NTNG1: variants seen among roughly 807,000 people sequenced by gnomAD.
NTNG1 encodes the protein netrin G1.
Under a neutral mutation model 54.0 loss-of-function variants are expected in NTNG1, and 16 were observed. That is an observed-to-expected ratio of 0.30 (90% confidence interval 0.20 to 0.45). The LOEUF is 0.45. Ranked by LOEUF, NTNG1 falls within the 20% of genes least tolerant of loss-of-function variation. NTNG1 has a pLI of 1.00. For synonymous variants in NTNG1, 255 were observed against 263.1 expected, an observed-to-expected ratio of 0.97 and a Z score of 0.30; for missense variants, 530 against 678.7, an observed-to-expected ratio of 0.78 and a Z score of 2.43.
intron 2 of NTNG1, among the ~76,000 whole-genome samples, chr1:107,203,917 C>T (rs945601139): frequency 6.6e-6 from 1 of 151,808 alleles, no homozygotes; most frequent in Admixed American, 6.6e-5. Context: ...ATCATTGACT[C>T]TTACTAGTTT....
At chr1:107,413,435 G>T (rs371377659) in intron 5 of NTNG1, among the ~76,000 whole-genome samples, 1 of 151,794 alleles carries the variant, frequency 6.6e-6, no homozygotes, top group Non-Finnish European at 1.5e-5. Flanking sequence ...TCCCAAGTGC[G>T]GTGTGTGCTT....
intron 2 of NTNG1, among the ~76,000 whole-genome samples, chr1:107,228,327 T>C (rs1660821568): frequency 6.6e-6 from 1 of 152,188 alleles, no homozygotes; most frequent in Admixed American, 6.5e-5. Flanking sequence ...TTTACATCCA[T>C]GAGGTCAGAC....
chr1:107,412,360 G>A (rs1467637254), intron 5 of NTNG1, among the ~76,000 whole-genome samples: 1 of 152,108 alleles, frequency 6.6e-6, no homozygotes, highest in East Asian at 1.9e-4. Flanking sequence ...ATTGTAGGGA[G>A]GTATTCCCAC....
chr1:107,337,449 G>C (rs971427486), intron 3 of NTNG1, among the ~76,000 whole-genome samples: 2 of 151,918 alleles, frequency 1.3e-5, no homozygotes, highest in Non-Finnish European at 2.9e-5. Context: ...TGACTGCCAG[G>C]GGCTGGGGGC....
At chr1:107,198,644 T>C (rs1658513318) in intron 2 of NTNG1, among the ~76,000 whole-genome samples, 1 of 151,904 alleles carries the variant, frequency 6.6e-6, no homozygotes, top group South Asian at 2.1e-4. Flanking sequence ...AACTGGGGAC[T>C]CAGGGAGTCT....
chr1:107,448,638 A>G (rs1001782289), intron 7 of NTNG1, among the ~76,000 whole-genome samples: 7 of 152,120 alleles, frequency 4.6e-5, no homozygotes, highest in Non-Finnish European at 8.8e-5. Flanking sequence ...CTCAAGCCCA[A>G]GAAGTTTTGT....
chr1:107,405,741 G>A (rs997465068), intron 4 of NTNG1, among the ~76,000 whole-genome samples: 1 of 152,014 alleles, frequency 6.6e-6, no homozygotes, highest in African/African-American at 2.4e-5. Flanking sequence ...TCTCTTTGAT[G>A]GATTACAACA....
chr1:107,480,569 T>TCCCCCCCCCCCC, intron 7 of NTNG1, 42 bp from the exon 8 acceptor site: 17 of 609,574 alleles, frequency 2.8e-5, no homozygotes, highest in East Asian at 1.7e-4. Context: ...CTGCTTCTCC[T>TCCCCCCCCCCCC]CCCCGCGCCC....
intron 7 of NTNG1, among the ~76,000 whole-genome samples, chr1:107,475,778 G>A (rs1294300701): frequency 3.3e-5 from 5 of 152,078 alleles, no homozygotes; most frequent in South Asian, 2.1e-4. Context: ...TTTGTTGTGG[G>A]GGGTTGTTCT....
At chr1:107,369,171 G>A (rs1570782765) in intron 3 of NTNG1, among the ~76,000 whole-genome samples, 1 of 152,082 alleles carries the variant, frequency 6.6e-6, no homozygotes, top group East Asian at 1.9e-4. Flanking sequence ...CACTTGGGTT[G>A]TGACCAGTTT....
chr1:107,283,752 C>T (rs530616629), intron 2 of NTNG1, among the ~76,000 whole-genome samples: 3 of 152,230 alleles, frequency 2.0e-5, no homozygotes, highest in South Asian at 2.1e-4. Context: ...GCTGAAGAAC[C>T]TATGGTGGAT....
At chr1:107,240,034 A>G (rs747351295) in intron 2 of NTNG1, among the ~76,000 whole-genome samples, 2 of 152,238 alleles carry the variant, frequency 1.3e-5, no homozygotes, top group African/African-American at 2.4e-5. Context: ...CATCACAGAC[A>G]TAGAACATTT....
chr1:107,183,289 G>C (rs72981611), intron 2 of NTNG1, among the ~76,000 whole-genome samples: 406 of 152,172 alleles, frequency 2.7e-3, no homozygotes, highest in African/African-American at 9.5e-3. Context: ...TAAGGTCTTT[G>C]GCATCCCCAT....
Position 107,312,887 on chromosome 1 carries a change from A to T in NTNG1, c.247-11395A>T, listed in dbSNP as rs146475071. On this transcript the variant is annotated intron_variant, in intron 2 of 7. Coordinates refer to ENST00000370068, the MANE Select transcript of NTNG1 (RefSeq NM_001113226.3). ...TAGAAAAGATGCATACAATAGAAAT[A>T]CCTTTTTTTTTCCTGAGCCATTTGA... Among the ~76,000 whole-genome samples the T allele has an allele frequency of 9.0e-4, 137 of 152,176 alleles. 1 individual carries two copies. The highest frequency in any genetic ancestry group is 1.5e-3 in the Non-Finnish European group (104 of 67,998).
intron 2 of NTNG1, among the ~76,000 whole-genome samples, chr1:107,232,457 A>G (rs1270908029): frequency 6.6e-6 from 1 of 152,088 alleles, no homozygotes; most frequent in Admixed American, 6.6e-5. Context: ...TCACTTACTA[A>G]TTGGTGTCAC....
chr1:107,255,376 A>G (rs903393187), intron 2 of NTNG1, among the ~76,000 whole-genome samples: 3 of 152,196 alleles, frequency 2.0e-5, no homozygotes, highest in African/African-American at 7.2e-5. Flanking sequence ...AGGTATTAGG[A>G]CAGTGATAAA....
intron 3 of NTNG1, among the ~76,000 whole-genome samples, chr1:107,361,374 C>CATACATAT (rs1553232703): frequency 1.1e-5 from 1 of 87,966 alleles, no homozygotes; most frequent in South Asian, 4.0e-4. Flanking sequence ...TATATATATA[C>CATACATAT]ATATATATAT....
At chr1:107,453,766 C>T (rs1676764233) in intron 7 of NTNG1, among the ~76,000 whole-genome samples, 1 of 152,146 alleles carries the variant, frequency 6.6e-6, no homozygotes, top group Non-Finnish European at 1.5e-5. Flanking sequence ...CAGTAATAAA[C>T]ACACTTTGTG....
At chr1:107,408,531 C>T (rs1673592839) in intron 5 of NTNG1, 1 of 152,088 alleles carries the variant, frequency 6.6e-6, no homozygotes. Context: ...CCAGGTGTAG[C>T]TCCCGCTTCA....
Sources: allele counts gnomAD v4.1 joint callset (sites outside exome capture counted in the v4.1 genomes callset), GRCh38; gene constraint gnomAD v4.1.1; transcripts MANE v1.5; gene names NCBI Gene and HGNC (gene_info 2026-07-23, HGNC 2026-07-21).